The following RPS6KA2 variants were observed in gnomAD, a reference collection of about 807,000 sequenced individuals.
The protein encoded by RPS6KA2 is ribosomal protein S6 kinase alpha-2.
A neutral mutation model predicts 91.8 loss-of-function variants in RPS6KA2; 42 were observed. The observed-to-expected ratio is 0.46, with a 90% confidence interval of 0.36 to 0.59. RPS6KA2 has a LOEUF of 0.59. Ranked by LOEUF, RPS6KA2 falls within the 20% of genes least tolerant of loss-of-function variation. RPS6KA2 has a pLI of 0.00. For synonymous variants in RPS6KA2, 414 were observed against 393.6 expected (o/e 1.05, Z -0.61); for missense variants, 798 against 978.5 (o/e 0.82, Z 2.46).
intron 1 of RPS6KA2, among the ~76,000 whole-genome samples, chr6:166,540,635 A>G (rs766459382): frequency 2.0e-5 from 3 of 152,194 alleles, no homozygotes; most frequent in Non-Finnish European, 4.4e-5. Flanking sequence ...TTATATTTAG[A>G]TGCTAATTTG....
chr6:166,517,450 G>GTTTTGT (rs1412412805), intron 3 of RPS6KA2, among the ~76,000 whole-genome samples: 1 of 83,800 alleles, frequency 1.2e-5, no homozygotes, highest in African/African-American at 6.7e-5. Flanking sequence ...GCGTTCTTTT[G>GTTTTGT]TTTTGTTTTT....
rs140300034 is a variant in RPS6KA2 at position 166,414,217 on chromosome 6, G to C, written c.1939-286C>G. 5.9e-5 allele frequency among the ~76,000 whole-genome samples: 9 copies of C among 152,260 alleles called. No homozygotes were observed. The South Asian group carries it at 1.9e-3, about 32-fold the overall frequency. On this transcript the variant is annotated intron_variant, in intron 19 of 20. Coordinates refer to ENST00000265678, the MANE Select transcript of RPS6KA2 (RefSeq NM_021135.6). Reference sequence around the variant, plus strand: ...AAATATTAGATGATGCATGTAAATCGATGAAACACTGTTTCTTGTAACAAT... The same window carrying C: ...AAATATTAGATGATGCATGTAAATCCATGAAACACTGTTTCTTGTAACAAT...
chr6:166,703,221 G>A (rs1789579858), intron 2 of RPS6KA2, among the ~76,000 whole-genome samples: 1 of 152,204 alleles, frequency 6.6e-6, no homozygotes, highest in Admixed American at 6.5e-5. Context: ...GTATATGGAT[G>A]TCAATGGCTA....
At chr6:166,809,000 T>C (rs544461752) in intron 2 of RPS6KA2, among the ~76,000 whole-genome samples, 1 of 152,320 alleles carries the variant, frequency 6.6e-6, no homozygotes, top group African/African-American at 2.4e-5. Context: ...ATAGTAATCT[T>C]TACAAGTATG....
intron 1 of RPS6KA2, among the ~76,000 whole-genome samples, chr6:166,625,581 TTGAGA>T (rs1200905724): frequency 6.6e-6 from 1 of 152,094 alleles, no homozygotes; most frequent in Non-Finnish European, 1.5e-5. Context: ...AAACTTGGCA[TTGAGA>T]TGAAACAGGA....
intron 2 of RPS6KA2, among the ~76,000 whole-genome samples, chr6:166,833,096 T>G (rs1425878198): frequency 1.3e-5 from 2 of 152,246 alleles, no homozygotes; most frequent in East Asian, 3.8e-4. Flanking sequence ...GCCAAGCACT[T>G]GCATGGTACT....
At chr6:166,779,709 T>C (rs1344238192) in intron 2 of RPS6KA2, among the ~76,000 whole-genome samples, 1 of 152,098 alleles carries the variant, frequency 6.6e-6, no homozygotes, top group Non-Finnish European at 1.5e-5. Context: ...ATGAGCAGAT[T>C]CGGCTCAACT....
intron 2 of RPS6KA2, among the ~76,000 whole-genome samples, chr6:166,727,319 A>ACACAC (rs1790367734): frequency 6.8e-6 from 1 of 146,536 alleles, no homozygotes. Context: ...TAAACAAACA[A>ACACAC]ACACACACAC....
rs116230880 is a variant in RPS6KA2, at chr6:166,472,698, A to G, written c.908-2793T>C. On this transcript the variant is annotated intron_variant, in intron 10 of 20. Coordinates refer to ENST00000265678, the MANE Select transcript of RPS6KA2 (RefSeq NM_021135.6). ...CCCCCTTTTTATCTCCACTGAACCCACTGGACAAATGACGGTGAGTGGAGT... is the reference window on the plus strand; with the variant it reads ...CCCCCTTTTTATCTCCACTGAACCCGCTGGACAAATGACGGTGAGTGGAGT... Among the ~76,000 whole-genome samples, 1,212 of 152,260 alleles carry G rather than the reference A, an allele frequency of 8.0e-3. 15 individuals carry two copies. Among genetic ancestry groups the G allele is most frequent in the African/African-American group, 0.028 (1,143 of 41,548 alleles).
chr6:166,419,887 C>T lies in RPS6KA2; in HGVS notation c.1815G>A (p.Leu605=). 6.2e-7 allele frequency: 1 copy of T among 1,613,496 alleles called. No individual in the cohort carries two copies. ...WSLGILLYTM[L]AGFTPFANGP... is the part of the protein sequence containing the mutation. Reference sequence around the variant, plus strand: ...TGTTTGAGGTGACTGCTTACCCTGCCAGCATGGTGTACAACAGGATCCCCA... The same window carrying T: ...TGTTTGAGGTGACTGCTTACCCTGCTAGCATGGTGTACAACAGGATCCCCA... The change falls in exon 18 of 21, where the codon CTG becomes CTA. Residue 605 remains leucine, a synonymous_variant. Transcript: ENST00000265678. The surrounding 1 kb of genome is among the most constrained non-coding windows in gnomAD (Gnocchi z 5.6).
intron 2 of RPS6KA2, among the ~76,000 whole-genome samples, chr6:166,850,679 AG>A (rs1317080213): frequency 6.6e-6 from 1 of 152,202 alleles, no homozygotes; most frequent in Non-Finnish European, 1.5e-5. Flanking sequence ...CGTCCTCCTC[AG>A]GAAAGCTCTG....
chr6:166,464,453 A>G (rs1365620307), intron 11 of RPS6KA2, among the ~76,000 whole-genome samples: 1 of 152,228 alleles, frequency 6.6e-6, no homozygotes, highest in African/African-American at 2.4e-5. Flanking sequence ...GAGTCAGTGC[A>G]ATACTAAGGG....
chr6:166,476,924 C>T (rs1184202124), intron 10 of RPS6KA2, among the ~76,000 whole-genome samples: 4 of 152,098 alleles, frequency 2.6e-5, no homozygotes, highest in East Asian at 1.9e-4. Context: ...AGGGTTAGAA[C>T]GAGGCCTCTA....
At chr6:166,451,321 G>A (rs1417317032) in intron 12 of RPS6KA2, 88 bp from the exon 13 acceptor site, 46 of 1,472,068 alleles carry the variant, frequency 3.1e-5, no homozygotes, top group Non-Finnish European at 4.2e-5. Context: ...TGTGGTATGT[G>A]TGTGCAAGTC....
intron 3 of RPS6KA2, among the ~76,000 whole-genome samples, chr6:166,524,828 T>C (rs1329243152): frequency 6.6e-6 from 1 of 152,194 alleles, no homozygotes; most frequent in Non-Finnish European, 1.5e-5. Context: ...CACCCCAAGA[T>C]GACACAGCTC....
At chr6:166,649,483 G>A (rs1254722777) in intron 2 of RPS6KA2, among the ~76,000 whole-genome samples, 1 of 152,188 alleles carries the variant, frequency 6.6e-6, no homozygotes, top group Admixed American at 6.5e-5. Flanking sequence ...AAATGAGCAT[G>A]GTGCTGAGGG....
chr6:166,565,940 A>T (rs933635606), intron 1 of RPS6KA2, among the ~76,000 whole-genome samples: 1 of 152,216 alleles, frequency 6.6e-6, no homozygotes, highest in Non-Finnish European at 1.5e-5. Flanking sequence ...TTTCTAACAA[A>T]ACAAAAAGCA....
intron 2 of RPS6KA2, among the ~76,000 whole-genome samples, chr6:166,727,950 G>C (rs1170446225): frequency 6.6e-6 from 1 of 152,154 alleles, no homozygotes; most frequent in African/African-American, 2.4e-5. Context: ...AAAAATATTT[G>C]GGAATAAAAC....
At position 166,544,308 on chromosome 6, in the gene RPS6KA2, G is replaced by A. The variant is rs142195069; in HGVS notation, c.100-5524C>T. 6.5e-3 allele frequency among the ~76,000 whole-genome samples: 992 copies of A among 152,280 alleles called. 11 individuals carry two copies. The highest frequency in any genetic ancestry group is 0.022 in the African/African-American group (904 of 41,548). On this transcript the variant is annotated intron_variant, in intron 1 of 20. Coordinates refer to ENST00000265678, the MANE Select transcript of RPS6KA2 (RefSeq NM_021135.6). ...ACTAAATGGCTTTTTAGCCTCTTCC[G>A]GAAAAGAAAGACAGCCGCAGACTTG...
Sources: gnomAD v4.1 joint callset for allele counts (sites outside exome capture counted in the v4.1 genomes callset) on GRCh38, gnomAD v4.1.1 for gene constraint, Gnocchi (gnomAD v3.1) non-coding constraint, MANE v1.5 for transcripts, NCBI Gene and HGNC (gene_info 2026-07-23, HGNC 2026-07-21) for gene names.